The following RNF150 variants were observed in gnomAD, a reference collection of about 807,000 sequenced individuals.
RNF150 encodes ring finger protein 150.
RNF150 carries 24 observed loss-of-function variants against 39.3 expected under a neutral mutation model. That is an observed-to-expected ratio of 0.61 (90% CI 0.44 to 0.86). The LOEUF (loss-of-function observed/expected upper bound fraction) is 0.86, where lower values mean the gene tolerates loss of function less well. Among genes scored for constraint, RNF150 ranks in the 40% least tolerant of loss-of-function variants. The pLI, the probability that RNF150 is intolerant of heterozygous loss-of-function variation, is 0.00. For missense variants in RNF150, 502 were observed against 587.8 expected (o/e 0.85, Z 1.51); for synonymous variants, 255 against 227.3 (o/e 1.12, Z -1.10).
At chr4:140,886,525 GC>G (rs1430624029) in intron 6 of RNF150, among the ~76,000 whole-genome samples, 1 of 152,182 alleles carries the variant, frequency 6.6e-6, no homozygotes, top group Non-Finnish European at 1.5e-5. Context: ...TGTTCTGAAT[GC>G]AAATTCTTTG....
At chr4:140,998,857 G>A (rs1237439346) in intron 1 of RNF150, among the ~76,000 whole-genome samples, 1 of 152,100 alleles carries the variant, frequency 6.6e-6, no homozygotes, top group African/African-American at 2.4e-5. Flanking sequence ...CATGCAAACA[G>A]CAAAATATGT....
In RNF150 at chr4:141,132,533, C is replaced by T. The variant is rs1346563021; in HGVS notation, c.276G>A (p.Met92Ile). 1 of 1,599,144 alleles carries T rather than the reference C, an allele frequency of 6.3e-7. No homozygotes were observed. The highest frequency in any genetic ancestry group is 8.5e-7 in the Non-Finnish European group (1 of 1,173,864). The change falls in exon 1 of 7, where the codon ATG (methionine) becomes ATA (isoleucine). Residue 92 changes from methionine (M) to isoleucine (I), a missense_variant. Coordinates refer to ENST00000515673, the MANE Select transcript of RNF150 (RefSeq NM_020724.2). This position sits in a 1 kb window ranked among gnomAD's most constrained non-coding sequence, Gnocchi z 4.9. ...CCAGGCGGTCGTGGGCCGAGCTGGC[C>T]ATGACCACCTCCCCGCGGGCGTCCT... ...PKQDARGEVV[M>I]ASSAHDRLAC...
At chr4:140,942,758 T>TTTTGGA (rs1252278509) in intron 4 of RNF150, among the ~76,000 whole-genome samples, 1 of 152,176 alleles carries the variant, frequency 6.6e-6, no homozygotes, top group African/African-American at 2.4e-5. Context: ...ATATGGAGCA[T>TTTTGGA]TTTGGATTTG....
At chr4:141,047,053 A>C (rs1736604955) in intron 1 of RNF150, among the ~76,000 whole-genome samples, 1 of 152,156 alleles carries the variant, frequency 6.6e-6, no homozygotes, top group Non-Finnish European at 1.5e-5. Context: ...TCAGATCAGA[A>C]GCCAGGTACC....
intron 1 of RNF150, among the ~76,000 whole-genome samples, chr4:141,055,085 A>G (rs1289217290): frequency 2.0e-5 from 3 of 152,204 alleles, no homozygotes; most frequent in Admixed American, 1.3e-4. Context: ...GTGGTTTGGA[A>G]GGAATAGTGG....
chr4:141,154,725 T>C (rs935968604), intron 1 of RNF150, among the ~76,000 whole-genome samples: 4 of 152,098 alleles, frequency 2.6e-5, no homozygotes, highest in African/African-American at 9.7e-5. Context: ...CTTAAAGAAA[T>C]CGTATCATGA....
chr4:140,997,726 A>G (rs1042383784), intron 1 of RNF150, among the ~76,000 whole-genome samples: 10 of 151,946 alleles, frequency 6.6e-5, no homozygotes, highest in Admixed American at 6.6e-5. Flanking sequence ...ATGTGTGTAT[A>G]AAAAGATACT....
intron 6 of RNF150, among the ~76,000 whole-genome samples, chr4:140,899,974 C>CTCTCTCTG (rs1365683071): frequency 4.3e-5 from 3 of 69,166 alleles, no homozygotes; most frequent in African/African-American, 1.3e-4. Context: ...CTCTCTCTCT[C>CTCTCTCTG]TGTGTGTGTG....
At position 141,132,905 on chromosome 4, in the gene RNF150, C is replaced by G. The variant is rs1233869992; in HGVS notation, c.-97G>C. On this transcript the variant is annotated 5_prime_UTR_variant, in exon 1 of 7. Coordinates refer to ENST00000515673, the MANE Select transcript of RNF150 (RefSeq NM_020724.2). This position sits in a 1 kb window ranked among gnomAD's most constrained non-coding sequence, Gnocchi z 4.9. ...CAACCCCGGGCCGCTGCCTCTCCTC[C>G]TGCTGCTGCTCACTCCCGGGCCGGA... The G allele has an allele frequency of 1.5e-5, 15 of 1,021,906 alleles. No homozygotes were observed. In the Admixed American group the frequency reaches 2.9e-4, roughly 20 times the overall value. The allele number at this position is 1,021,906 out of a possible 1,614,324, so 63.3% of individuals were successfully genotyped here. A position where few individuals can be genotyped will look rare whatever the true frequency, so the allele number is the denominator to read the frequency against.
At chr4:140,989,487 C>T (rs1734122904) in intron 1 of RNF150, among the ~76,000 whole-genome samples, 1 of 152,022 alleles carries the variant, frequency 6.6e-6, no homozygotes, top group Admixed American at 6.6e-5. Flanking sequence ...TAGAGACTCA[C>T]CCAAGACAAA....
At chr4:141,151,743 T>C (rs1727306794) in intron 1 of RNF150, among the ~76,000 whole-genome samples, 2 of 152,174 alleles carry the variant, frequency 1.3e-5, no homozygotes, top group African/African-American at 4.8e-5. Flanking sequence ...TTTTGAATTC[T>C]ATAAGCAAGG....
At chr4:140,965,619 T>C (rs1172541594) in intron 2 of RNF150, among the ~76,000 whole-genome samples, 2 of 152,116 alleles carry the variant, frequency 1.3e-5, no homozygotes, top group Non-Finnish European at 2.9e-5. Context: ...TAGATGGGCC[T>C]GGAGGACATC....
intron 1 of RNF150, among the ~76,000 whole-genome samples, chr4:141,194,185 T>C (rs1342243704): frequency 6.6e-6 from 1 of 152,228 alleles, no homozygotes; most frequent in East Asian, 1.9e-4. Flanking sequence ...ACTAATGTCT[T>C]TCTGTAGGGA....
intron 5 of RNF150, among the ~76,000 whole-genome samples, chr4:140,922,289 A>T (rs1218967148): frequency 6.6e-6 from 1 of 151,218 alleles, no homozygotes. Flanking sequence ...CATAAAATCA[A>T]TGTGCAAAAA....
At chr4:140,995,738 G>A (rs1352368441) in intron 1 of RNF150, among the ~76,000 whole-genome samples, 1 of 152,006 alleles carries the variant, frequency 6.6e-6, no homozygotes, top group African/African-American at 2.4e-5. Context: ...TTTGTCTTTT[G>A]GTGCCCCACT....
Position 141,049,503 on chromosome 4 carries a change from G to A in RNF150, c.485-81630C>T, listed in dbSNP as rs374968533. ...ACTTCAATGGATAAGTGGGTAAACGGTTAGGAAATTTAAAAAAGAAGTACA... is the reference window on the plus strand; with the variant it reads ...ACTTCAATGGATAAGTGGGTAAACGATTAGGAAATTTAAAAAAGAAGTACA... On this transcript the variant is annotated intron_variant, in intron 1 of 6. Transcript: ENST00000515673. Among the ~76,000 whole-genome samples, 19 of 152,074 alleles carry A rather than the reference G, an allele frequency of 1.2e-4. 1 individual carries two copies. In the East Asian group the frequency reaches 3.7e-3, roughly 29 times the overall value.
rs1053163621 is a variant in RNF150, at chr4:141,025,910, C to T, written c.485-58037G>A. On this transcript the variant is annotated intron_variant, in intron 1 of 6. Coordinates refer to ENST00000515673, the MANE Select transcript of RNF150 (RefSeq NM_020724.2). ...AATTTCCAATGTGATGATATTTGGA[C>T]GTAGGGCCTTTCAACAATGATTAGG... 3.3e-5 allele frequency among the ~76,000 whole-genome samples: 5 copies of T among 152,012 alleles called. No individual in the cohort carries two copies. In the East Asian group the frequency reaches 5.8e-4, roughly 18 times the overall value.
chr4:141,148,154 A>G (rs12506525), intron 1 of RNF150, among the ~76,000 whole-genome samples: 54,136 of 152,038 alleles, frequency 0.36, 11,806 homozygotes, highest in Non-Finnish European at 0.47. Flanking sequence ...TTGAAATACT[A>G]TCTCAATAAC....
chr4:140,987,492 G>T (rs1265836073), intron 1 of RNF150, among the ~76,000 whole-genome samples: 1 of 151,966 alleles, frequency 6.6e-6, no homozygotes, highest in Non-Finnish European at 1.5e-5. Context: ...CTTTGACAAA[G>T]TTGACAAAAA....
Sources: gnomAD v4.1 joint callset for allele counts (sites outside exome capture counted in the v4.1 genomes callset) on GRCh38, gnomAD v4.1.1 for gene constraint, Gnocchi (gnomAD v3.1) non-coding constraint, MANE v1.5 for transcripts, NCBI Gene and HGNC (gene_info 2026-07-23, HGNC 2026-07-21) for gene names.